Variants in IRS1 observed in about 807,000 individuals in gnomAD.
The protein encoded by IRS1 is insulin receptor substrate 1.
Under a neutral mutation model 65.6 loss-of-function variants are expected in IRS1, and 34 were observed. That is an observed-to-expected ratio of 0.52 (90% CI 0.39 to 0.69). The LOEUF is 0.69. Among genes scored for constraint, IRS1 ranks in the 30% least tolerant of loss-of-function variants. The pLI is 0.00. For synonymous variants in IRS1, 699 were observed against 683.5 expected (o/e 1.02, Z -0.35); for missense variants, 1,641 against 1,720.2 (o/e 0.95, Z 0.81).
chr2:226,741,826 CATAA>C (rs796811678), intron 1 of IRS1, among the ~76,000 whole-genome samples: 3 of 125,014 alleles, frequency 2.4e-5, no homozygotes, highest in African/African-American at 9.1e-5. Flanking sequence ...CACACACACA[CATAA>C]CACACACACA....
At chr2:226,764,537 T>A (rs547961908) in intron 1 of IRS1, among the ~76,000 whole-genome samples, 1 of 152,178 alleles carries the variant, frequency 6.6e-6, no homozygotes, top group South Asian at 2.1e-4. Context: ...AACAAGACCC[T>A]GTTTCAAAAA....
chr2:226,762,024 C>T (rs911006628), intron 1 of IRS1, among the ~76,000 whole-genome samples: 4 of 152,210 alleles, frequency 2.6e-5, no homozygotes, highest in African/African-American at 9.6e-5. Flanking sequence ...AGCATAGAGG[C>T]TGAGCTGTTG....
intron 1 of IRS1, among the ~76,000 whole-genome samples, chr2:226,764,390 A>G (rs1476840885): frequency 6.6e-6 from 1 of 152,046 alleles, no homozygotes; most frequent in African/African-American, 2.4e-5. Flanking sequence ...AAAAAATATA[A>G]AAAGTTAGCT....
intron 1 of IRS1, among the ~76,000 whole-genome samples, chr2:226,763,768 A>T (rs1016242750): frequency 1.1e-4 from 16 of 152,256 alleles, no homozygotes; most frequent in African/African-American, 3.9e-4. Flanking sequence ...ATTGCCATTT[A>T]AAAAAAGACC....
chr2:226,795,292 C>T lies in IRS1; in HGVS notation c.3447G>A (p.Val1149=), dbSNP rs946459210. Residue 1149 remains valine, a synonymous_variant, in exon 1 of 2, where the codon GTG becomes GTA. Coordinates refer to ENST00000305123, the MANE Select transcript of IRS1 (RefSeq NM_005544.3). ...CCCCAAGCTCCCCAGGCCTCAGCCA[C>T]ACATTCTCAAAGGAAGCAGAGCTGT... ...KRHSSASFEN[V]WLRPGELGGA... is the part of the protein sequence containing the mutation. 1 of 1,613,946 alleles carries T rather than the reference C, an allele frequency of 6.2e-7. No homozygotes were observed. Among genetic ancestry groups the T allele is most frequent in the Non-Finnish European group, 8.5e-7 (1 of 1,180,028 alleles).
In IRS1 at chr2:226,797,712, C is replaced by T. The variant is rs375415559; in HGVS notation, c.1027G>A (p.Asp343Asn). The change falls in exon 1 of 2, where the codon GAC (aspartate) becomes AAC (asparagine). Residue 343 changes from aspartate to asparagine, a missense_variant. By Grantham distance (23) the Asp-to-Asn change is conservative. Around this residue, in one of 3 missense-constraint regions of IRS1, gnomAD observed 1,324 missense variants for 1,361.0 expected, o/e 0.97. Coordinates refer to ENST00000305123, the MANE Select transcript of IRS1 (RefSeq NM_005544.3). The surrounding 1 kb of genome is among the most constrained non-coding windows in gnomAD (Gnocchi z 8.1). ...EGTMSRPASV[D>N]GSPVSPSTNR... ...GTGCTGGGACTCACAGGGCTGCCGT[C>T]CACCGAGGCTGGGCGGGACATGGTG... 9.4e-6 allele frequency: 15 copies of T among 1,597,820 alleles called. No homozygotes were observed. The highest frequency in any genetic ancestry group is 1.2e-5 in the Non-Finnish European group (14 of 1,178,902).
intron 1 of IRS1, among the ~76,000 whole-genome samples, chr2:226,767,680 G>C (rs936855708): frequency 2.0e-5 from 3 of 152,212 alleles, no homozygotes; most frequent in Admixed American, 6.5e-5. Flanking sequence ...AGCTAGTGCA[G>C]CCTGCCGCTG....
chr2:226,760,772 T>A (rs953960627), intron 1 of IRS1, among the ~76,000 whole-genome samples: 4 of 152,210 alleles, frequency 2.6e-5, no homozygotes, highest in African/African-American at 9.7e-5. Context: ...AGGAAGGATA[T>A]GATTTGCTTT....
chr2:226,797,151 TGCCTGCC>T lies in IRS1; in HGVS notation c.1581_1587del (p.Ala528HisfsTer25), dbSNP rs1939750842. ...TTCTGGTGGGTAATGGTAGGGGATG[TGCCTGCC>T]GAGTGAGTTCTCTTTCGGAACCGAT... On this transcript the variant is annotated frameshift_variant, in exon 1 of 2. Coordinates refer to ENST00000305123, the MANE Select transcript of IRS1 (RefSeq NM_005544.3). LOFTEE classifies it high-confidence loss of function. The surrounding 1 kb of genome is among the most constrained non-coding windows in gnomAD (Gnocchi z 8.1). The T allele has an allele frequency of 6.2e-7, 1 of 1,613,790 alleles. No individual in the cohort carries two copies. The highest frequency in any genetic ancestry group is 1.3e-5 in the African/African-American group (1 of 74,932).
At chr2:226,760,987 T>G (rs1048624587) in intron 1 of IRS1, among the ~76,000 whole-genome samples, 2 of 152,198 alleles carry the variant, frequency 1.3e-5, no homozygotes, top group South Asian at 2.1e-4. Context: ...AACCTAACCC[T>G]AGACCTCTGT....
At chr2:226,782,542 A>T (rs1939403132) in intron 1 of IRS1, among the ~76,000 whole-genome samples, 1 of 152,178 alleles carries the variant, frequency 6.6e-6, no homozygotes, top group South Asian at 2.1e-4. Flanking sequence ...CAAAATGCCC[A>T]GCGCCCTGCA....
chr2:226,787,548 G>A (rs1939509703), intron 1 of IRS1, among the ~76,000 whole-genome samples: 1 of 152,060 alleles, frequency 6.6e-6, no homozygotes, highest in South Asian at 2.1e-4. Context: ...AATAAAAGGT[G>A]TACTATTTGG....
chr2:226,731,345 G>T lies in IRS1; in HGVS notation c.*4927C>A, dbSNP rs549290990. 2 of 152,218 alleles carry T rather than the reference G, an allele frequency of 1.3e-5. No homozygotes were observed. The highest frequency in any genetic ancestry group is 2.4e-5 in the African/African-American group (1 of 41,522). The allele number at this position is 152,218 out of a possible 1,614,324, so 9.4% of individuals were successfully genotyped here. On this transcript the variant is annotated 3_prime_UTR_variant, in exon 2 of 2. Coordinates refer to ENST00000305123, the MANE Select transcript of IRS1 (RefSeq NM_005544.3). The stretch of plus-strand genomic sequence containing the variant: ...CTCCGCAAAATTTAATTGGCAGTTT[G>T]TTTCATGTCCAGCAATCAAAGACAT...
chr2:226,748,480 T>G (rs1300097395), intron 1 of IRS1, among the ~76,000 whole-genome samples: 1 of 151,610 alleles, frequency 6.6e-6, no homozygotes, highest in Non-Finnish European at 1.5e-5. Context: ...ATTAGATTCC[T>G]TCTGTTCCAG....
rs1451271200 is a variant in IRS1 at position 226,798,362 on chromosome 2, G to C, written c.377C>G (p.Ala126Gly). 7 of 1,613,686 alleles carry C rather than the reference G, an allele frequency of 4.3e-6. No homozygotes were observed. The Middle Eastern group carries it at 4.9e-4, about 114-fold the overall frequency. The change falls in exon 1 of 2, where the codon GCC becomes GGC. Residue 126 changes from alanine (A) to glycine (G), a missense_variant. Physicochemically the swap from Ala to Gly is moderately conservative, Grantham distance 60 (BLOSUM62 0). Coordinates refer to ENST00000305123, the MANE Select transcript of IRS1 (RefSeq NM_005544.3). This position sits in a 1 kb window ranked among gnomAD's most constrained non-coding sequence, Gnocchi z 9.4. ...GCCCCCACCACCTCCCGCCCCGAGG[G>C]CCGCAGCTCCGTCGTGGTGGCCCTT... ...RAKGHHDGAA[A>G]LGAGGGGGSC...
chr2:226,798,732 T>G lies in IRS1; in HGVS notation c.7A>C (p.Ser3Arg). ...GAGAAGCCATCGCTCTCCGGAGGGC[T>G]CGCCATGCTGCCACCGCCACCACCA... MA[S>R]PPESDGFSDV... The change falls in exon 1 of 2, where the codon AGC becomes CGC. Residue 3 changes from serine (S) to arginine (R), a missense_variant. Ser to Arg is a moderately radical substitution (Grantham distance 110). Around this residue, in one of 3 missense-constraint regions of IRS1, gnomAD observed 240 missense variants for 229.6 expected, o/e 1.05. Transcript: ENST00000305123. This position sits in a 1 kb window ranked among gnomAD's most constrained non-coding sequence, Gnocchi z 9.4. The G allele has an allele frequency of 6.2e-7, 1 of 1,611,194 alleles. No homozygotes were observed. The highest frequency in any genetic ancestry group is 8.5e-7 in the Non-Finnish European group (1 of 1,179,408).
chr2:226,799,139 A>AGC lies in IRS1; in HGVS notation c.-403_-402dup, dbSNP rs140103054. On this transcript the variant is annotated 5_prime_UTR_variant, in exon 1 of 2. The change abolishes the stop of an existing upstream ORF in the 5' untranslated region. Transcript: ENST00000305123. The surrounding 1 kb of genome is among the most constrained non-coding windows in gnomAD (Gnocchi z 6.1). ...GGGGTCCCTGCGGTGCCCCTCCAGG[A>AGC]GCGCGCGCGCGCGCGCGCCTTCCCT... 130 of 1,118,570 alleles carry AGC rather than the reference A, an allele frequency of 1.2e-4. No individual in the cohort carries two copies. The highest frequency in any genetic ancestry group is 8.3e-4 in the African/African-American group (49 of 58,744). The allele number at this position is 1,118,570 out of a possible 1,614,324, so 69.3% of individuals were successfully genotyped here.
In IRS1 at chr2:226,795,569, G is replaced by A. The variant is rs746305011; in HGVS notation, c.3170C>T (p.Ser1057Leu). 67 of 1,612,870 alleles carry A rather than the reference G, an allele frequency of 4.2e-5. 1 individual carries two copies. The East Asian group carries it at 7.4e-4, about 18-fold the overall frequency. ...PQGAAELAAHSSLLGGPQGPG... is the reference protein window; with the variant it reads ...PQGAAELAAHLSLLGGPQGPG... The stretch of plus-strand genomic sequence containing the variant: ...TCCTTGTGGGCCCCCCAGCAGGGAC[G>A]AGTGGGCAGCCAGCTCTGCTGCCCC... Residue 1057 changes from serine (S) to leucine (L), a missense_variant, in exon 1 of 2, where the codon TCG becomes TTG. By Grantham distance (145) the Ser-to-Leu change is moderately radical (BLOSUM62 -2). Coordinates refer to ENST00000305123, the MANE Select transcript of IRS1 (RefSeq NM_005544.3).
chr2:226,796,473 G>A lies in IRS1; in HGVS notation c.2266C>T (p.Pro756Ser), dbSNP rs775805301. The A allele has an allele frequency of 6.2e-7, 1 of 1,613,802 alleles. No homozygotes were observed. The change falls in exon 1 of 2, where the codon CCC (proline) becomes TCC (serine). Residue 756 changes from proline (P) to serine (S), a missense_variant. Pro to Ser is a moderately conservative substitution (Grantham distance 74, BLOSUM62 -1). Coordinates refer to ENST00000305123, the MANE Select transcript of IRS1 (RefSeq NM_005544.3). ...TAGGAGAGGACTGGCTTGTGCTGGG[G>A]GTCCTCAGGGCCGTAGTAGCAGTCG... ...PSDCYYGPED[P>S]QHKPVLSYYS... is the part of the protein sequence containing the mutation.
Sources: gnomAD v4.1 joint callset for allele counts (sites outside exome capture counted in the v4.1 genomes callset) on GRCh38, gnomAD v4.1.1 for gene constraint, gnomAD v4.1.1 regional missense constraint, Gnocchi (gnomAD v3.1) non-coding constraint, MANE v1.5 for transcripts, NCBI Gene and HGNC (gene_info 2026-07-23, HGNC 2026-07-21) for gene names.